Variants in ATP2C2 observed in about 807,000 individuals in gnomAD.
ATP2C2 encodes ATPase secretory pathway Ca2+ transporting 2, also known as calcium-transporting ATPase type 2C member 2.
ATP2C2 carries 171 observed loss-of-function variants against 110.8 expected under a neutral mutation model. That is an observed-to-expected ratio of 1.54 (90% confidence interval 1.36 to 1.75). The LOEUF is 1.75. ATP2C2 is among the 40% of genes most tolerant of loss of function. The pLI is 0.00. For missense variants in ATP2C2, 1,963 were observed against 1,235.0 expected (o/e 1.59, Z -8.84); for synonymous variants, 804 against 508.4 (o/e 1.58, Z -7.82).
Position 84,393,706 on chromosome 16 carries a change from T to C in ATP2C2, c.100-4793T>C, listed in dbSNP as rs566686709. On this transcript the variant is annotated intron_variant, in intron 1 of 26. Transcript: ENST00000262429. ...GGAGCCAGCAAAGAGGGGAGGAGGATAGAGGATGGGAGGCCAGTGGATGGG... is the reference window on the plus strand; with the variant it reads ...GGAGCCAGCAAAGAGGGGAGGAGGACAGAGGATGGGAGGCCAGTGGATGGG... 3.0e-4 allele frequency among the ~76,000 whole-genome samples: 41 copies of C among 138,270 alleles called. 1 individual carries two copies. The highest frequency in any genetic ancestry group is 1.0e-3 in the African/African-American group (36 of 36,042). The allele number at this position is 138,270 out of a possible 152,430, so 90.7% of individuals were successfully genotyped here.
Position 84,446,484 on chromosome 16 carries a change from A to G in ATP2C2, c.1503+54A>G, listed in dbSNP as rs373050212. 8.0e-5 allele frequency: 105 copies of G among 1,314,102 alleles called. 1 individual carries two copies. In the East Asian group the frequency reaches 1.9e-3, roughly 24 times the overall value. 81.4% of individuals were successfully genotyped at this position (1,314,102 alleles called of 1,614,324 possible). A position where few individuals can be genotyped will look rare whatever the true frequency, so the allele number is the denominator to read the frequency against. On this transcript the variant is annotated intron_variant, in intron 16 of 26. Coordinates refer to ENST00000262429, the MANE Select transcript of ATP2C2 (RefSeq NM_014861.4). Reference sequence around the variant, plus strand: ...TCTCTTTCTGCCCGGGCCCCCACCCAGAGATAAAGCAAAATGCAGACTTCA... The same window carrying G: ...TCTCTTTCTGCCCGGGCCCCCACCCGGAGATAAAGCAAAATGCAGACTTCA...
intron 7 of ATP2C2, among the ~76,000 whole-genome samples, chr16:84,421,120 T>A (rs1245945553): frequency 6.6e-6 from 1 of 152,226 alleles, no homozygotes; most frequent in Non-Finnish European, 1.5e-5. Context: ...TTGACAGTTT[T>A]GAGGAGCCCC....
intron 17 of ATP2C2, among the ~76,000 whole-genome samples, chr16:84,451,560 G>A (rs1046307179): frequency 6.6e-6 from 1 of 152,214 alleles, no homozygotes; most frequent in Non-Finnish European, 1.5e-5. Context: ...ACAAAGGGCT[G>A]CGCACGTTGC....
intron 1 of ATP2C2, among the ~76,000 whole-genome samples, chr16:84,381,316 C>T (rs1045374721): frequency 1.5e-4 from 23 of 152,266 alleles, no homozygotes; most frequent in Admixed American, 1.3e-3. Context: ...TGTGGATCTT[C>T]AGTTACTTCA....
intron 3 of ATP2C2, among the ~76,000 whole-genome samples, 195 bp downstream of exon 3, chr16:84,405,439 T>C (rs1388702282): frequency 6.6e-6 from 1 of 152,076 alleles, no homozygotes; most frequent in Non-Finnish European, 1.5e-5. Context: ...AAAACAGTGA[T>C]CACTTTCGTA....
chr16:84,463,782 CTG>C lies in ATP2C2; in HGVS notation c.*53_*54del. ...CCTAATCATCTCGATCTGGTTGTGA[CTG>C]TGGCCCCTGCCGTGTCTCCTCGTCA... On this transcript the variant is annotated 3_prime_UTR_variant, in exon 27 of 27. Transcript: ENST00000262429. 6.7e-7 allele frequency: 1 copy of C among 1,491,386 alleles called. No individual in the cohort carries two copies. Among genetic ancestry groups the C allele is most frequent in the Non-Finnish European group, 9.4e-7 (1 of 1,069,270 alleles). The allele number at this position is 1,491,386 out of a possible 1,614,324, so 92.4% of individuals were successfully genotyped here. A position where few individuals can be genotyped will look rare whatever the true frequency, so the allele number is the denominator to read the frequency against.
At chr16:84,444,999 G>A (rs1349960791) in intron 15 of ATP2C2, among the ~76,000 whole-genome samples, 1 of 152,154 alleles carries the variant, frequency 6.6e-6, no homozygotes, top group Non-Finnish European at 1.5e-5. Flanking sequence ...TGGTGATTTA[G>A]TGTAACCAAA....
intron 1 of ATP2C2, among the ~76,000 whole-genome samples, chr16:84,380,657 C>T (rs994720812): frequency 2.6e-5 from 4 of 152,168 alleles, no homozygotes; most frequent in African/African-American, 7.2e-5. Context: ...GCCCAGGCTG[C>T]CTGGATGCAA....
At chr16:84,416,973 G>T (rs1906893045) in intron 7 of ATP2C2, among the ~76,000 whole-genome samples, 1 of 152,178 alleles carries the variant, frequency 6.6e-6, no homozygotes, top group Non-Finnish European at 1.5e-5. Context: ...GAAGGACACA[G>T]GTCCGCCACA....
intron 11 of ATP2C2, among the ~76,000 whole-genome samples, chr16:84,436,076 C>G (rs1908710947): frequency 6.6e-6 from 1 of 152,156 alleles, no homozygotes; most frequent in African/African-American, 2.4e-5. Context: ...TTGCAGTGAG[C>G]TGAGACTGCA....
At chr16:84,386,764 AT>A (rs1381610931) in intron 1 of ATP2C2, among the ~76,000 whole-genome samples, 1 of 152,036 alleles carries the variant, frequency 6.6e-6, no homozygotes, top group Non-Finnish European at 1.5e-5. Flanking sequence ...CATCATTCCC[AT>A]TTTAAAGAGG....
intron 1 of ATP2C2, among the ~76,000 whole-genome samples, chr16:84,385,705 C>A (rs1233676446): frequency 2.0e-5 from 3 of 152,190 alleles, no homozygotes; most frequent in Non-Finnish European, 4.4e-5. Context: ...GGCACCTCTT[C>A]ACAGAGCGGC....
intron 14 of ATP2C2, among the ~76,000 whole-genome samples, chr16:84,441,570 G>T (rs1283327900): frequency 6.6e-6 from 1 of 152,162 alleles, no homozygotes; most frequent in South Asian, 2.1e-4. Flanking sequence ...CAAAGGACCT[G>T]CCTCCAGGGG....
rs1402622840 is a variant in ATP2C2, at chr16:84,398,565, G to A, written c.166G>A (p.Glu56Lys). 6.2e-7 allele frequency: 1 copy of A among 1,613,428 alleles called. No individual in the cohort carries two copies. The highest frequency in any genetic ancestry group is 1.1e-5 in the South Asian group (1 of 90,972). The change falls in exon 2 of 27, where the codon GAA becomes AAA. Residue 56 changes from glutamate (E) to lysine (K), a missense_variant. Coordinates refer to ENST00000262429, the MANE Select transcript of ATP2C2 (RefSeq NM_014861.4). The part of the protein sequence containing the change: ...EKKVTALPPK[E>K]ACKCQKEDLA... ...GAAGGTGACAGCCCTGCCCCCCAAG[G>A]AAGCGTGCAAATGCCAGAAAGAGGA...
In ATP2C2 at chr16:84,383,787, GTTT is replaced by G. The variant is rs58587781; in HGVS notation, c.100-14693_100-14691del. On this transcript the variant is annotated intron_variant, in intron 1 of 26. Transcript: ENST00000262429. ...GGGGGTGGGGGTGTTGGTTTTGTTG[GTTT>G]TTTTTTTTTTTTTTTTTTGAGACAG... 3.8e-3 allele frequency among the ~76,000 whole-genome samples: 388 copies of G among 100,820 alleles called. 4 individuals are homozygous for G. The highest frequency in any genetic ancestry group is 5.7e-3 in the Non-Finnish European group (302 of 52,986). 66.1% of individuals were successfully genotyped at this position (100,820 alleles called of 152,430 possible).
At chr16:84,448,854 GCA>G (rs1462865310) in intron 17 of ATP2C2, among the ~76,000 whole-genome samples, 165 bp downstream of exon 17, 1 of 152,180 alleles carries the variant, frequency 6.6e-6, no homozygotes, top group Non-Finnish European at 1.5e-5. Flanking sequence ...CACATGAAAG[GCA>G]CAGAGGTCCC....
At chr16:84,461,544 G>T (rs750938466) in intron 24 of ATP2C2, 170 bp from the exon 25 acceptor site, 1 of 691,916 alleles carries the variant, frequency 1.4e-6, no homozygotes, top group Non-Finnish European at 2.6e-6. Flanking sequence ...GGAGACCCTG[G>T]GGTAGCAGCC....
intron 2 of ATP2C2, among the ~76,000 whole-genome samples, chr16:84,399,026 C>G (rs1905160559): frequency 6.6e-6 from 1 of 152,248 alleles, no homozygotes; most frequent in Non-Finnish European, 1.5e-5. Context: ...CCACCGTCGT[C>G]TTTTATAATC....
At chr16:84,443,756 A>C (rs1909482985) in intron 15 of ATP2C2, among the ~76,000 whole-genome samples, 1 of 152,118 alleles carries the variant, frequency 6.6e-6, no homozygotes, top group African/African-American at 2.4e-5. Context: ...CCTCCAGTGC[A>C]AGACTCCAAC....
Sources: allele counts gnomAD v4.1 joint callset (sites outside exome capture counted in the v4.1 genomes callset), GRCh38; gene constraint gnomAD v4.1.1; transcripts MANE v1.5; gene names NCBI Gene and HGNC (gene_info 2026-07-23, HGNC 2026-07-21).